Variants in NATD1 observed in about 807,000 individuals in gnomAD.
NATD1 encodes the protein N-acetyltransferase domain containing 1, also known as protein NATD1.
NATD1 carries 9 observed loss-of-function variants against 12.0 expected under a neutral mutation model. The ratio of observed to expected loss-of-function variants is 0.75; its 90% CI spans 0.45 to 1.30. The LOEUF (loss-of-function observed/expected upper bound fraction) is 1.30, where lower values mean the gene tolerates loss of function less well. NATD1 is among the 50% of genes most tolerant of loss of function. NATD1 has a pLI of 0.00. For missense variants in NATD1, 148 were observed against 148.5 expected (o/e 1.00, Z 0.02); for synonymous variants, 71 against 65.9 (o/e 1.08, Z -0.37).
rs749868316 is a variant in NATD1, at chr17:21,243,439, G to A, written c.226-10C>T. On this transcript the variant is annotated splice_polypyrimidine_tract_variant and intron_variant, in intron 2 of 2. Coordinates refer to ENST00000611551, the MANE Select transcript of NATD1 (RefSeq NM_152914.3). The stretch of plus-strand genomic sequence containing the variant: ...CGAAGTCCAGGGCGGCCTGGGAGCC[G>A]GGCAGAGAGGAGAGTGGTCAGGGCC... 65 of 1,607,500 alleles carry A rather than the reference G, an allele frequency of 4.0e-5. 1 individual carries two copies. The highest frequency in any genetic ancestry group is 3.3e-4 in the Middle Eastern group (2 of 6,068).
chr17:21,246,475 T>C (rs1567645473), intron 1 of NATD1, among the ~76,000 whole-genome samples: 1 of 149,786 alleles, frequency 6.7e-6, no homozygotes. Flanking sequence ...GACCGCATCA[T>C]TGCACTCCAG....
intron 1 of NATD1, among the ~76,000 whole-genome samples, chr17:21,249,247 T>G (rs956219159): frequency 1.2e-4 from 19 of 152,006 alleles, no homozygotes; most frequent in African/African-American, 4.6e-4. Context: ...GAGACTGAGG[T>G]AGACGGAGGC....
chr17:21,239,226 T>C lies in NATD1; in HGVS notation c.*4087A>G, dbSNP rs1262776654. On this transcript the variant is annotated 3_prime_UTR_variant, in exon 3 of 3. Transcript: ENST00000611551. ...ACTGGCTAGCTGCTCACCTTATGGC[T>C]CGAGGCAGGACCCCCCCGCAGCCTT... 1 of 62,122 alleles carries C rather than the reference T, an allele frequency of 1.6e-5. No individual in the cohort carries two copies. Among genetic ancestry groups the C allele is most frequent in the East Asian group, 3.2e-4 (1 of 3,094 alleles). 3.8% of individuals were successfully genotyped at this position (62,122 alleles called of 1,614,324 possible).
chr17:21,252,283 C>A (rs1975383702), intron 1 of NATD1, among the ~76,000 whole-genome samples: 2 of 140,442 alleles, frequency 1.4e-5, no homozygotes, highest in East Asian at 4.0e-4. Flanking sequence ...ATTGTGTCGC[C>A]TGGGCGACAG....
intron 1 of NATD1, among the ~76,000 whole-genome samples, chr17:21,248,993 C>T (rs968967837): frequency 7.9e-5 from 12 of 152,078 alleles, no homozygotes; most frequent in African/African-American, 1.4e-4. Context: ...GTGGGGGACC[C>T]GTCCCTGGGT....
intron 2 of NATD1, 37 bp from the exon 3 acceptor site, chr17:21,243,466 G>A: frequency 1.3e-6 from 2 of 1,536,780 alleles, no homozygotes; most frequent in Non-Finnish European, 8.9e-7. Flanking sequence ...GTCAGGGCCT[G>A]CAGCCGGCAC....
In NATD1 at chr17:21,240,520, G is replaced by A. The variant is rs776662546; in HGVS notation, c.*2793C>T. The stretch of plus-strand genomic sequence containing the variant: ...AGACCTGTTGATGAGCTTGGAGAAT[G>A]AGGAAGGGGACGGTCCAGCGGCCAG... On this transcript the variant is annotated 3_prime_UTR_variant, in exon 3 of 3. Coordinates refer to ENST00000611551, the MANE Select transcript of NATD1 (RefSeq NM_152914.3). 6.6e-6 allele frequency: 1 copy of A among 152,658 alleles called. No homozygotes were observed. The highest frequency in any genetic ancestry group is 1.5e-5 in the Non-Finnish European group (1 of 68,144). The allele number at this position is 152,658 out of a possible 1,614,324, so 9.5% of individuals were successfully genotyped here.
chr17:21,248,543 G>T (rs951574861), intron 1 of NATD1, among the ~76,000 whole-genome samples: 1 of 152,172 alleles, frequency 6.6e-6, no homozygotes, highest in Non-Finnish European at 1.5e-5. Context: ...AAGGTCACGT[G>T]CCCAGAAGCC....
Position 21,243,215 on chromosome 17 carries a change from T to C in NATD1, c.*98A>G. On this transcript the variant is annotated 3_prime_UTR_variant, in exon 3 of 3. Coordinates refer to ENST00000611551, the MANE Select transcript of NATD1 (RefSeq NM_152914.3). ...GTGTCCTTACAAAAATAACTCTGAG[T>C]CTGTTCCCAGTGGGACCAGGTTCCT... The C allele has an allele frequency of 1.1e-6, 1 of 887,140 alleles. No individual in the cohort carries two copies. Among genetic ancestry groups the C allele is most frequent in the Non-Finnish European group, 1.8e-6 (1 of 570,226 alleles). The allele number at this position is 887,140 out of a possible 1,614,324, so 55.0% of individuals were successfully genotyped here. A position where few individuals can be genotyped will look rare whatever the true frequency, so the allele number is the denominator to read the frequency against.
At position 21,253,307 on chromosome 17, in the gene NATD1, G is replaced by A; in HGVS notation, c.-43C>T. ...GCGCGGCGCCGGCGGGGGCCGGGGC[G>A]CGCGGGGAAAGGTCAGGCGCGCGGC... On this transcript the variant is annotated 5_prime_UTR_variant, in exon 1 of 3. Transcript: ENST00000611551. 1 of 890,180 alleles carries A rather than the reference G, an allele frequency of 1.1e-6. No homozygotes were observed. The highest frequency in any genetic ancestry group is 1.3e-6 in the Non-Finnish European group (1 of 744,160). 55.1% of individuals were successfully genotyped at this position (890,180 alleles called of 1,614,324 possible). A position where few individuals can be genotyped will look rare whatever the true frequency, so the allele number is the denominator to read the frequency against.
At chr17:21,249,737 G>T (rs1352234786) in intron 1 of NATD1, among the ~76,000 whole-genome samples, 1 of 152,204 alleles carries the variant, frequency 6.6e-6, no homozygotes, top group Non-Finnish European at 1.5e-5. Context: ...GGAAGGGGCT[G>T]CCCAGGAGGT....
At chr17:21,245,826 C>T (rs529496955) in intron 1 of NATD1, among the ~76,000 whole-genome samples, 7 of 152,182 alleles carry the variant, frequency 4.6e-5, no homozygotes, top group South Asian at 2.1e-4. Context: ...CCTGCAGCCC[C>T]GCCCCCACAC....
chr17:21,249,652 T>C (rs947852696), intron 1 of NATD1, among the ~76,000 whole-genome samples: 3 of 152,196 alleles, frequency 2.0e-5, no homozygotes, highest in Admixed American at 6.5e-5. Flanking sequence ...TCCAGGGTTC[T>C]GCACCCCTCA....
intron 1 of NATD1, among the ~76,000 whole-genome samples, chr17:21,245,749 T>C (rs1975319801): frequency 6.6e-6 from 1 of 151,960 alleles, no homozygotes; most frequent in Non-Finnish European, 1.5e-5. Flanking sequence ...CACTTCCCTC[T>C]GCCTGATGCC....
intron 1 of NATD1, among the ~76,000 whole-genome samples, chr17:21,252,535 TGGCCA>T (rs987136371): frequency 1.8e-4 from 28 of 152,140 alleles, no homozygotes; most frequent in African/African-American, 6.5e-4. Flanking sequence ...GTGAGGCAAA[TGGCCA>T]GTCCCAGAGC....
rs1468449461 is a variant in NATD1, at chr17:21,253,271, G to A, written c.-7C>T. The A allele has an allele frequency of 3.0e-6, 3 of 986,900 alleles. No individual in the cohort carries two copies. The highest frequency in any genetic ancestry group is 3.6e-6 in the Non-Finnish European group (3 of 831,378). 61.1% of individuals were successfully genotyped at this position (986,900 alleles called of 1,614,324 possible). ...CGGCAGCCGAGTGCGCCATCTGCGC[G>A]CGGGGCTGCGGCGCGGCGCCGGCGG... On this transcript the variant is annotated 5_prime_UTR_variant, in exon 1 of 3. Coordinates refer to ENST00000611551, the MANE Select transcript of NATD1 (RefSeq NM_152914.3).
In NATD1 at chr17:21,243,107, G is replaced by C. The variant is rs1302544559; in HGVS notation, c.*206C>G. Reference sequence around the variant, plus strand: ...AGAGTGAGAGGTGCCGGGACTACCTGGCCTCCTTGCCGCCTCGGTTACCGG... The same window carrying C: ...AGAGTGAGAGGTGCCGGGACTACCTCGCCTCCTTGCCGCCTCGGTTACCGG... On this transcript the variant is annotated 3_prime_UTR_variant, in exon 3 of 3. Coordinates refer to ENST00000611551, the MANE Select transcript of NATD1 (RefSeq NM_152914.3). The C allele has an allele frequency of 3.7e-6, 2 of 534,602 alleles. No individual in the cohort carries two copies. Among genetic ancestry groups the C allele is most frequent in the Non-Finnish European group, 6.7e-6 (2 of 296,444 alleles). 33.1% of individuals were successfully genotyped at this position (534,602 alleles called of 1,614,324 possible).
chr17:21,251,557 T>C (rs938620733), intron 1 of NATD1, among the ~76,000 whole-genome samples: 4 of 152,340 alleles, frequency 2.6e-5, no homozygotes, highest in African/African-American at 9.6e-5. Context: ...TGGGTGATGC[T>C]GGGCAATCAC....
At chr17:21,251,302 A>C (rs1975373543) in intron 1 of NATD1, among the ~76,000 whole-genome samples, 1 of 151,726 alleles carries the variant, frequency 6.6e-6, no homozygotes, top group South Asian at 2.1e-4. Context: ...AGAAAAAAAA[A>C]AAAAAAAAAC....
Sources: gnomAD v4.1 joint callset for allele counts (sites outside exome capture counted in the v4.1 genomes callset) on GRCh38, gnomAD v4.1.1 for gene constraint, MANE v1.5 for transcripts, NCBI Gene and HGNC (gene_info 2026-07-23, HGNC 2026-07-21) for gene names.